Variants in CTNNA2 observed in about 807,000 individuals in gnomAD.
The protein encoded by CTNNA2 is catenin alpha-2.
CTNNA2 carries 42 observed loss-of-function variants against 101.0 expected under a neutral mutation model. That is an observed-to-expected ratio of 0.42 (90% CI 0.32 to 0.54). The LOEUF is 0.54. CTNNA2 is among the 20% of genes least tolerant of loss of function. The pLI, the probability that CTNNA2 is intolerant of heterozygous loss-of-function variation, is 0.14. For synonymous variants in CTNNA2, 450 were observed against 456.4 expected, an observed-to-expected ratio of 0.99 and a Z score of 0.18; for missense variants, 871 against 1,223.1, an observed-to-expected ratio of 0.71 and a Z score of 4.29.
intron 13 of CTNNA2, among the ~76,000 whole-genome samples, chr2:80,577,654 C>T (rs907996731): frequency 3.1e-5 from 4 of 129,786 alleles, no homozygotes; most frequent in South Asian, 2.6e-4. Context: ...ACTTGCTGGT[C>T]GCCAATCACT....
At chr2:79,358,214 T>C in intron 3 of CTNNA2, among the ~76,000 whole-genome samples, 1 of 151,968 alleles carries the variant, frequency 6.6e-6, no homozygotes. Context: ...CTTTTTTTTT[T>C]TTTAGATGGA....
At chr2:79,338,245 C>CAAA (rs59474388) in intron 3 of CTNNA2, among the ~76,000 whole-genome samples, 6 of 109,234 alleles carry the variant, frequency 5.5e-5, no homozygotes, top group Middle Eastern at 4.6e-3. Flanking sequence ...GACTCCATCT[C>CAAA]AAAAAAAAAA....
At chr2:79,827,928 A>T (rs1678571081) in intron 3 of CTNNA2, among the ~76,000 whole-genome samples, 1 of 152,214 alleles carries the variant, frequency 6.6e-6, no homozygotes, top group African/African-American at 2.4e-5. Flanking sequence ...TCTGAAAACC[A>T]AATTGTTTTT....
chr2:79,420,048 T>C (rs1678524631), intron 4 of CTNNA2, among the ~76,000 whole-genome samples: 1 of 152,118 alleles, frequency 6.6e-6, no homozygotes, highest in African/African-American at 2.4e-5. Flanking sequence ...CCTCACTTTG[T>C]TTTATCCTCT....
intron 13 of CTNNA2, 34 bp downstream of exon 13, chr2:80,574,348 G>T: frequency 6.5e-7 from 1 of 1,536,848 alleles, no homozygotes. Flanking sequence ...GAGCTGGTCA[G>T]ATCTCCTAGT....
chr2:79,270,522 T>C (rs1354458197), intron 2 of CTNNA2, among the ~76,000 whole-genome samples: 2 of 152,100 alleles, frequency 1.3e-5, no homozygotes, highest in African/African-American at 2.4e-5. Flanking sequence ...TATTGACTTC[T>C]ACCTTGCTCT....
intron 7 of CTNNA2, among the ~76,000 whole-genome samples, chr2:80,308,964 C>T (rs1346847837): frequency 1.3e-5 from 2 of 152,034 alleles, no homozygotes; most frequent in African/African-American, 4.8e-5. Context: ...TGGTGGGTGC[C>T]TGTAATCCCA....
At chr2:80,615,877 C>T (rs1698811111) in intron 17 of CTNNA2, among the ~76,000 whole-genome samples, 1 of 151,688 alleles carries the variant, frequency 6.6e-6, no homozygotes, top group Admixed American at 6.6e-5. Flanking sequence ...ATTTCTTTTA[C>T]TGCATCGGAA....
chr2:80,059,168 C>T (rs902782176), intron 7 of CTNNA2, among the ~76,000 whole-genome samples: 34 of 152,270 alleles, frequency 2.2e-4, no homozygotes, highest in African/African-American at 7.5e-4. Flanking sequence ...CATATACACC[C>T]GAGGGCTCAT....
intron 2 of CTNNA2, among the ~76,000 whole-genome samples, chr2:79,675,943 A>G (rs1683157083): frequency 6.6e-6 from 1 of 152,170 alleles, no homozygotes; most frequent in South Asian, 2.1e-4. Context: ...GTCCCACTGG[A>G]GTTACAGCCA....
intron 2 of CTNNA2, among the ~76,000 whole-genome samples, chr2:79,690,849 A>T (rs116419863): frequency 0.015 from 2,316 of 152,138 alleles, 35 homozygotes; most frequent in Non-Finnish European, 0.026. Flanking sequence ...TACTGAAAAC[A>T]TTCACGTATT....
At chr2:79,656,755 A>C (rs1573590000) in intron 2 of CTNNA2, among the ~76,000 whole-genome samples, 1 of 152,038 alleles carries the variant, frequency 6.6e-6, no homozygotes, top group Non-Finnish European at 1.5e-5. Context: ...AATTCAAAAA[A>C]GGAAGGAGTT....
At chr2:80,219,531 C>T (rs1044009374) in intron 7 of CTNNA2, among the ~76,000 whole-genome samples, 2 of 151,960 alleles carry the variant, frequency 1.3e-5, no homozygotes, top group Non-Finnish European at 2.9e-5. Flanking sequence ...TATATACTAC[C>T]TAATTTAAGA....
At chr2:80,012,331 T>A (rs1693849016) in intron 7 of CTNNA2, among the ~76,000 whole-genome samples, 1 of 152,132 alleles carries the variant, frequency 6.6e-6, no homozygotes, top group Non-Finnish European at 1.5e-5. Context: ...GTCAAGATAA[T>A]GGTCCATGAG....
At chr2:79,421,541 A>G (rs1678540548) in intron 4 of CTNNA2, among the ~76,000 whole-genome samples, 1 of 152,196 alleles carries the variant, frequency 6.6e-6, no homozygotes, top group South Asian at 2.1e-4. Context: ...CTTCATATAG[A>G]TGGCTAATAC....
chr2:79,187,235 TTTTTC>T (rs772642908), intron 1 of CTNNA2, among the ~76,000 whole-genome samples: 9,922 of 122,128 alleles, frequency 0.081, 628 homozygotes, highest in East Asian at 0.11. Context: ...AAGACACTTC[TTTTTC>T]TTTTCTTTTC....
intron 18 of CTNNA2, among the ~76,000 whole-genome samples, chr2:80,637,690 TC>T (rs946827992): frequency 1.3e-5 from 2 of 151,988 alleles, no homozygotes; most frequent in Non-Finnish European, 2.9e-5. Flanking sequence ...GGTGTTTACT[TC>T]CCCCAACATA....
intron 2 of CTNNA2, among the ~76,000 whole-genome samples, chr2:79,292,817 C>G (rs1009133402): frequency 6.6e-6 from 1 of 152,230 alleles, no homozygotes; most frequent in Admixed American, 6.5e-5. Context: ...TAATCCTTCT[C>G]CTTAGTTCTT....
intron 4 of CTNNA2, among the ~76,000 whole-genome samples, chr2:79,437,126 T>A (rs888634927): frequency 3.3e-5 from 5 of 151,344 alleles, no homozygotes; most frequent in Non-Finnish European, 1.5e-5. Context: ...CCCAGTTACT[T>A]GGGAGGCTGA....
Sources: allele counts gnomAD v4.1 joint callset (sites outside exome capture counted in the v4.1 genomes callset), GRCh38; gene constraint gnomAD v4.1.1; transcripts MANE v1.5; gene names NCBI Gene and HGNC (gene_info 2026-07-23, HGNC 2026-07-21).